FOXP1: variants seen among roughly 807,000 people sequenced by gnomAD.
The protein encoded by FOXP1 is forkhead box P1.
In FOXP1, 15 loss-of-function variants were observed where a neutral mutation model predicts 98.2. The observed-to-expected ratio is 0.15, with a 90% CI of 0.10 to 0.24. FOXP1 has a LOEUF of 0.24. FOXP1 is among the 10% of genes least tolerant of loss of function. The pLI is 1.00. For synonymous variants in FOXP1, 371 were observed against 314.5 expected, an observed-to-expected ratio of 1.18 and a Z score of -1.90; for missense variants, 633 against 848.5, an observed-to-expected ratio of 0.75 and a Z score of 3.15.
intron 4 of FOXP1, among the ~76,000 whole-genome samples, chr3:71,343,823 G>A (rs771369625): frequency 7.2e-5 from 11 of 152,186 alleles, no homozygotes; most frequent in Middle Eastern, 3.4e-3. Context: ...AGCCCATCAC[G>A]CCTGGCGTTC....
chr3:71,533,986 C>T (rs1039476492), intron 2 of FOXP1, among the ~76,000 whole-genome samples: 4 of 152,112 alleles, frequency 2.6e-5, no homozygotes, highest in African/African-American at 9.7e-5. Flanking sequence ...CACAGTTGTC[C>T]GTCTGTATAT....
At chr3:71,324,550 G>T (rs2075572367) in intron 4 of FOXP1, among the ~76,000 whole-genome samples, 1 of 152,026 alleles carries the variant, frequency 6.6e-6, no homozygotes. Flanking sequence ...CTCACTCATA[G>T]GTGGGAAATG....
intron 7 of FOXP1, among the ~76,000 whole-genome samples, chr3:71,093,837 C>T (rs957476549): frequency 5.9e-5 from 9 of 151,960 alleles, no homozygotes; most frequent in Non-Finnish European, 1.2e-4. Flanking sequence ...CAATAAAGAT[C>T]AAAATGAGAC....
Position 71,406,405 on chromosome 3 carries a change from G to GTATATATATATA in FOXP1, c.-167-47173_-167-47162dup, listed in dbSNP as rs60423991. The stretch of plus-strand genomic sequence containing the variant: ...TAATTGACACATAATAACTGTATGT[G>GTATATATATATA]TATATATATATATATATATGGTACA... On this transcript the variant is annotated intron_variant, in intron 3 of 20. Coordinates refer to ENST00000649528, the MANE Select transcript of FOXP1 (RefSeq NM_001349338.3). Among the ~76,000 whole-genome samples the GTATATATATATA allele has an allele frequency of 1.7e-3, 179 of 105,948 alleles. 24 individuals carry two copies. The highest frequency in any genetic ancestry group is 3.1e-3 in the Non-Finnish European group (137 of 44,908). The allele number at this position is 105,948 out of a possible 152,430, so 69.5% of individuals were successfully genotyped here. A position where few individuals can be genotyped will look rare whatever the true frequency, so the allele number is the denominator to read the frequency against.
At chr3:71,232,869 C>T (rs1339816362) in intron 5 of FOXP1, among the ~76,000 whole-genome samples, 4 of 12,732 alleles carry the variant, frequency 3.1e-4, no homozygotes, top group Non-Finnish European at 4.9e-4. Flanking sequence ...CAGAGCAAAA[C>T]TCTGTCTCAA....
chr3:70,995,626 C>T (rs1177668195), intron 13 of FOXP1, among the ~76,000 whole-genome samples: 5 of 152,172 alleles, frequency 3.3e-5, no homozygotes. Flanking sequence ...TCAGGGTTTA[C>T]ACTTTTAGAT....
intron 7 of FOXP1, among the ~76,000 whole-genome samples, chr3:71,065,375 G>T (rs915693237): frequency 6.6e-6 from 1 of 152,198 alleles, no homozygotes; most frequent in African/African-American, 2.4e-5. Flanking sequence ...CGCTCGCGGC[G>T]CCAAGCCGAC....
chr3:71,327,096 C>T (rs527597274), intron 4 of FOXP1, among the ~76,000 whole-genome samples: 1 of 152,128 alleles, frequency 6.6e-6, no homozygotes, highest in Non-Finnish European at 1.5e-5. Context: ...CCATGTTACA[C>T]GGTCTCCCTA....
At chr3:71,491,701 C>T (rs1002442611) in intron 3 of FOXP1, among the ~76,000 whole-genome samples, 1 of 152,034 alleles carries the variant, frequency 6.6e-6, no homozygotes, top group Non-Finnish European at 1.5e-5. Flanking sequence ...AGTGCCTTTT[C>T]GAGCCAATAG....
intron 7 of FOXP1, among the ~76,000 whole-genome samples, chr3:71,060,738 T>C (rs1318433042): frequency 6.6e-6 from 1 of 152,186 alleles, no homozygotes; most frequent in East Asian, 1.9e-4. Flanking sequence ...TTGATGTTGT[T>C]GATTTACCTT....
intron 3 of FOXP1, among the ~76,000 whole-genome samples, chr3:71,413,259 G>GACACACACAT: frequency 1.6e-5 from 1 of 64,474 alleles, no homozygotes; most frequent in South Asian, 7.9e-4. Context: ...CCCCCAAATA[G>GACACACACAT]ACACACACAC....
chr3:71,294,103 G>A lies in FOXP1; in HGVS notation c.-12+5717C>T, dbSNP rs192540861. 1.7e-3 allele frequency among the ~76,000 whole-genome samples: 252 copies of A among 152,260 alleles called. 1 individual carries two copies. The highest frequency in any genetic ancestry group is 5.8e-3 in the African/African-American group (241 of 41,550). ...AGAATGTATATTTGTTGTTATCAGG[G>A]GATGGCGGGAGGGCAGAATGCAGTG... On this transcript the variant is annotated intron_variant, in intron 5 of 20. Transcript: ENST00000649528.
At position 70,955,836 on chromosome 3, in the gene FOXP1, A is replaced by G. The variant is rs913879830; in HGVS notation, c.*3411T>C. ...GATTAACACACACGCACGCGCGCAC[A>G]CACACACACACACACACACAAAACC... On this transcript the variant is annotated 3_prime_UTR_variant, in exon 21 of 21. Coordinates refer to ENST00000649528, the MANE Select transcript of FOXP1 (RefSeq NM_001349338.3). 13 of 221,934 alleles carry G rather than the reference A, an allele frequency of 5.9e-5. No homozygotes were observed. The highest frequency in any genetic ancestry group is 1.9e-4 in the South Asian group (1 of 5,372). 13.7% of individuals were successfully genotyped at this position (221,934 alleles called of 1,614,324 possible).
chr3:71,532,042 C>T (rs935457279), intron 2 of FOXP1, among the ~76,000 whole-genome samples: 2 of 152,184 alleles, frequency 1.3e-5, no homozygotes, highest in Admixed American at 6.5e-5. Flanking sequence ...ACTTAATAGG[C>T]AGTCTTCTTT....
chr3:71,540,364 A>G (rs1173310164), intron 2 of FOXP1, among the ~76,000 whole-genome samples: 1 of 152,246 alleles, frequency 6.6e-6, no homozygotes, highest in African/African-American at 2.4e-5. Flanking sequence ...AATGCTGCAG[A>G]AGGTGCTAGA....
chr3:71,001,029 A>G lies in FOXP1; in HGVS notation c.1005T>C (p.Asp335=), dbSNP rs1248761991. The change falls in exon 13 of 21, where the codon GAT becomes GAC. Residue 335 remains aspartate, a synonymous_variant. Transcript: ENST00000649528. ...KHLNSEHALD[D]RSTAQCRVQM... is the part of the protein sequence containing the mutation. ...GTACTCTACATTGGGCTGTACTTCT[A>G]TCGTCCAGCGCATGCTCACTGTTGA... The G allele has an allele frequency of 1.9e-6, 3 of 1,613,336 alleles. No individual in the cohort carries two copies. Among genetic ancestry groups the G allele is most frequent in the East Asian group, 2.2e-5 (1 of 44,872 alleles).
chr3:71,296,643 T>C (rs1232124429), intron 5 of FOXP1: 1 of 152,180 alleles, frequency 6.6e-6, no homozygotes, highest in Non-Finnish European at 1.5e-5. Flanking sequence ...AATGTTCACT[T>C]GGAATAGGAA....
At chr3:71,539,122 TTTTG>T (rs2044562992) in intron 2 of FOXP1, among the ~76,000 whole-genome samples, 1 of 149,618 alleles carries the variant, frequency 6.7e-6, no homozygotes, top group African/African-American at 2.5e-5. Context: ...TTTATTTTTT[TTTTG>T]TTTGAGATGG....
intron 12 of FOXP1, 105 bp from the exon 13 acceptor site, chr3:71,001,164 A>ACTACTATCTCCTG: frequency 1.3e-6 from 1 of 789,934 alleles, no homozygotes. Context: ...TCTAGCTCCC[A>ACTACTATCTCCTG]GGAGATAGTA....
Sources: allele counts gnomAD v4.1 joint callset (sites outside exome capture counted in the v4.1 genomes callset), GRCh38; gene constraint gnomAD v4.1.1; transcripts MANE v1.5; gene names NCBI Gene and HGNC (gene_info 2026-07-23, HGNC 2026-07-21).